Variants in DCC observed in about 807,000 individuals in gnomAD.
The protein encoded by DCC is netrin receptor DCC.
Under a neutral mutation model 172.5 loss-of-function variants are expected in DCC, and 58 were observed. The observed-to-expected ratio is 0.34, with a 90% CI of 0.27 to 0.42. The LOEUF (loss-of-function observed/expected upper bound fraction) is 0.42. Among genes scored for constraint, DCC ranks in the 10% least tolerant of loss-of-function variants. The pLI, the probability that DCC is intolerant of heterozygous loss-of-function variation, is 1.00. For missense variants in DCC, 1,740 were observed against 1,791.0 expected, an observed-to-expected ratio of 0.97 and a Z score of 0.51; for synonymous variants, 709 against 644.5, an observed-to-expected ratio of 1.10 and a Z score of -1.52.
intron 12 of DCC, among the ~76,000 whole-genome samples, chr18:53,226,913 A>ACT (rs2056037415): frequency 8.2e-6 from 1 of 121,576 alleles, no homozygotes; most frequent in Non-Finnish European, 1.7e-5. Flanking sequence ...TAATAGTGTA[A>ACT]CTGTGTGTGT....
intron 13 of DCC, among the ~76,000 whole-genome samples, chr18:53,317,348 T>C (rs1003468671): frequency 4.6e-5 from 7 of 152,240 alleles, no homozygotes; most frequent in Admixed American, 1.3e-4. Context: ...TTATGGTGAA[T>C]AAGCTTTTTG....
intron 1 of DCC, among the ~76,000 whole-genome samples, chr18:52,431,313 A>G (rs1213450648): frequency 6.6e-6 from 1 of 152,154 alleles, no homozygotes; most frequent in Admixed American, 6.6e-5. Context: ...AGCAATAATA[A>G]TAAAGAAAGA....
intron 2 of DCC, among the ~76,000 whole-genome samples, chr18:52,843,444 T>A (rs187057622): frequency 6.6e-6 from 1 of 152,226 alleles, no homozygotes; most frequent in African/African-American, 2.4e-5. Flanking sequence ...AATACAAAGA[T>A]TGAAGTTTAA....
intron 12 of DCC, among the ~76,000 whole-genome samples, chr18:53,291,412 CCTT>C (rs1257889791): frequency 1.3e-5 from 2 of 151,998 alleles, no homozygotes; most frequent in East Asian, 1.9e-4. Context: ...CGTATTTAAA[CCTT>C]CTTTCTCTTT....
At position 52,667,205 on chromosome 18, in the gene DCC, G is replaced by GC. The variant is rs554763009; in HGVS notation, c.92-84847dup. Reference sequence around the variant, plus strand: ...CTCAGTTTGTCGCTTCAGCCTAGCAGCCTTCCCAGGGCTGAAGGTAACTTT... The same window carrying GC: ...CTCAGTTTGTCGCTTCAGCCTAGCAGCCCTTCCCAGGGCTGAAGGTAACTTT... On this transcript the variant is annotated intron_variant, in intron 1 of 28. Transcript: ENST00000442544. Among the ~76,000 whole-genome samples, 97 of 152,326 alleles carry GC rather than the reference G, an allele frequency of 6.4e-4. 1 individual carries two copies. Among genetic ancestry groups the GC allele is most frequent in the African/African-American group, 2.3e-3 (94 of 41,582 alleles).
chr18:52,828,106 G>C (rs1779974347), intron 2 of DCC, among the ~76,000 whole-genome samples: 1 of 151,982 alleles, frequency 6.6e-6, no homozygotes, highest in African/African-American at 2.4e-5. Flanking sequence ...CATGCTAATG[G>C]AACATGGTAT....
chr18:52,952,141 C>A (rs1048854764), intron 5 of DCC, among the ~76,000 whole-genome samples: 1 of 152,162 alleles, frequency 6.6e-6, no homozygotes, highest in African/African-American at 2.4e-5. Flanking sequence ...CTTTCATATT[C>A]CAAATGAAAT....
intron 12 of DCC, among the ~76,000 whole-genome samples, chr18:53,256,688 A>G (rs1348127809): frequency 2.0e-5 from 3 of 152,114 alleles, no homozygotes; most frequent in South Asian, 2.1e-4. Context: ...TTGACTTGGC[A>G]ATGCGGACTC....
At chr18:52,824,294 G>A (rs1336808983) in intron 2 of DCC, among the ~76,000 whole-genome samples, 93 of 152,098 alleles carry the variant, frequency 6.1e-4, no homozygotes, top group Non-Finnish European at 3.5e-4. Flanking sequence ...TGTGAATGAT[G>A]GCAGGTTTAT....
intron 9 of DCC, among the ~76,000 whole-genome samples, chr18:53,195,392 A>G (rs2144522601): frequency 6.6e-6 from 1 of 152,338 alleles, no homozygotes; most frequent in Admixed American, 6.5e-5. Context: ...GAAAGAGACT[A>G]CATTTTTCTG....
chr18:52,968,573 G>C (rs1420822373), intron 5 of DCC, among the ~76,000 whole-genome samples: 4 of 151,996 alleles, frequency 2.6e-5, no homozygotes, highest in Non-Finnish European at 4.4e-5. Context: ...TCACAGCACA[G>C]ACCTCAAGAT....
intron 12 of DCC, among the ~76,000 whole-genome samples, chr18:53,277,579 G>A (rs144347205): frequency 2.6e-5 from 4 of 152,114 alleles, no homozygotes; most frequent in African/African-American, 7.2e-5. Context: ...CTGTCCTTTC[G>A]TCTCCTCCCT....
At chr18:52,507,378 G>T (rs958236686) in intron 1 of DCC, among the ~76,000 whole-genome samples, 1 of 152,138 alleles carries the variant, frequency 6.6e-6, no homozygotes, top group Non-Finnish European at 1.5e-5. Flanking sequence ...TGCACTGAAG[G>T]TTGATGTATA....
chr18:52,817,193 T>C (rs974539639), intron 2 of DCC, among the ~76,000 whole-genome samples: 4 of 152,132 alleles, frequency 2.6e-5, no homozygotes, highest in Non-Finnish European at 5.9e-5. Context: ...AATGGAAAAA[T>C]GAATAATATA....
chr18:52,669,770 T>G (rs979893025), intron 1 of DCC, among the ~76,000 whole-genome samples: 1 of 152,202 alleles, frequency 6.6e-6, no homozygotes, highest in East Asian at 1.9e-4. Flanking sequence ...CCATGGGGGT[T>G]ACTGTTCTAG....
At chr18:52,989,270 C>T (rs1448391618) in intron 5 of DCC, among the ~76,000 whole-genome samples, 6 of 152,052 alleles carry the variant, frequency 3.9e-5, no homozygotes, top group African/African-American at 1.4e-4. Context: ...CACCTGTAAT[C>T]CCAGCACTTT....
intron 12 of DCC, among the ~76,000 whole-genome samples, chr18:53,285,289 T>G (rs2056922582): frequency 6.6e-6 from 1 of 152,134 alleles, no homozygotes; most frequent in African/African-American, 2.4e-5. Flanking sequence ...AAAAGTGGTT[T>G]TGTGGGCTGG....
In DCC at chr18:53,301,557, A is replaced by G. The variant is rs370745542; in HGVS notation, c.1912-4021A>G. On this transcript the variant is annotated intron_variant, in intron 12 of 28. Coordinates refer to ENST00000442544, the MANE Select transcript of DCC (RefSeq NM_005215.4). Reference sequence around the variant, plus strand: ...TAATACTAACAAGCCTATAACAAAAACAAACAGGCTCTTTCTTTCCCCTCC... The same window carrying G: ...TAATACTAACAAGCCTATAACAAAAGCAAACAGGCTCTTTCTTTCCCCTCC... 9.5e-4 allele frequency among the ~76,000 whole-genome samples: 144 copies of G among 152,320 alleles called. 1 individual carries two copies. The highest frequency in any genetic ancestry group is 3.1e-3 in the African/African-American group (128 of 41,578).
At chr18:52,575,877 G>A (rs995511728) in intron 1 of DCC, among the ~76,000 whole-genome samples, 99 of 152,240 alleles carry the variant, frequency 6.5e-4, no homozygotes, top group African/African-American at 2.3e-3. Context: ...GAGGAAAGGT[G>A]CTAAGGTAGT....
Sources: gnomAD v4.1 joint callset for allele counts (sites outside exome capture counted in the v4.1 genomes callset) on GRCh38, gnomAD v4.1.1 for gene constraint, MANE v1.5 for transcripts, NCBI Gene and HGNC (gene_info 2026-07-23, HGNC 2026-07-21) for gene names.